The following MYT1L variants were observed in gnomAD, a reference collection of about 807,000 sequenced individuals.
MYT1L encodes myelin transcription factor 1 like.
Under a neutral mutation model 126.7 loss-of-function variants are expected in MYT1L, and 12 were observed. The ratio of observed to expected loss-of-function variants is 0.09; its 90% CI spans 0.06 to 0.15. MYT1L has a LOEUF of 0.15. MYT1L is among the 10% of genes least tolerant of loss of function. The pLI, the probability that MYT1L is intolerant of heterozygous loss-of-function variation, is 1.00. For missense variants in MYT1L, 979 were observed against 1,585.2 expected (o/e 0.62, Z 6.49); for synonymous variants, 541 against 604.2 (o/e 0.90, Z 1.53).
chr2:2,090,776 A>G (rs767920822), intron 3 of MYT1L, among the ~76,000 whole-genome samples: 5 of 152,196 alleles, frequency 3.3e-5, no homozygotes, highest in Admixed American at 1.3e-4. Flanking sequence ...CTGCTGCTTT[A>G]TCAACTGGGC....
chr2:2,114,019 T>G (rs2079868512), intron 3 of MYT1L, among the ~76,000 whole-genome samples: 1 of 152,084 alleles, frequency 6.6e-6, no homozygotes, highest in Non-Finnish European at 1.5e-5. Flanking sequence ...AAAACATTAC[T>G]GCCTCCATTA....
intron 3 of MYT1L, among the ~76,000 whole-genome samples, chr2:2,055,851 T>C (rs1395541762): frequency 6.6e-6 from 1 of 152,238 alleles, no homozygotes; most frequent in East Asian, 1.9e-4. Flanking sequence ...CACTTTAAGC[T>C]TGTTAGCATG....
chr2:2,281,006 T>C (rs2095439528), intron 2 of MYT1L, among the ~76,000 whole-genome samples: 1 of 152,186 alleles, frequency 6.6e-6, no homozygotes, highest in South Asian at 2.1e-4. Context: ...CGTGGTGATA[T>C]GGTTTGGCTG....
Position 2,159,859 on chromosome 2 carries a change from TC to T in MYT1L, c.-304+13012del, listed in dbSNP as rs146718269. ...GGGGGCTCTTCTGTTTGCTACTTTT[TC>T]TTCTTTCTCTCCTTACCCTCATAAA... On this transcript the variant is annotated intron_variant, in intron 3 of 24. Transcript: ENST00000647738. Among the ~76,000 whole-genome samples the T allele has an allele frequency of 7.2e-3, 1,090 of 152,186 alleles. 6 individuals carry two copies. The highest frequency in any genetic ancestry group is 9.0e-3 in the Non-Finnish European group (610 of 68,020).
intron 21 of MYT1L, among the ~76,000 whole-genome samples, chr2:1,830,502 G>A (rs1188141459): frequency 6.6e-6 from 1 of 152,042 alleles, no homozygotes; most frequent in Admixed American, 6.5e-5. Context: ...CACCCCGAAG[G>A]GCTCACAGGG....
chr2:2,179,941 TGGCCCTCAGGAGGA>T (rs2091229491), intron 2 of MYT1L, among the ~76,000 whole-genome samples: 1 of 152,228 alleles, frequency 6.6e-6, no homozygotes, highest in Non-Finnish European at 1.5e-5. Context: ...TAGATCATTC[TGGCCCTCAGGAGGA>T]GGCTGTTCCT....
Position 1,887,163 on chromosome 2 carries a change from T to A in MYT1L, c.2642+325A>T. On this transcript the variant is annotated intron_variant, in intron 17 of 24. Transcript: ENST00000647738. This position sits in a 1 kb window ranked among gnomAD's most constrained non-coding sequence, Gnocchi z 4.8. The stretch of plus-strand genomic sequence containing the variant: ...ACAAAAACAGCCAAAATAGTAAGTA[T>A]GTTTAAAAAAAAAAAAAACTTTTAA... The A allele has an allele frequency of 2.4e-6, 1 of 416,810 alleles. No individual in the cohort carries two copies. Among genetic ancestry groups the A allele is most frequent in the Non-Finnish European group, 4.2e-6 (1 of 239,698 alleles). The allele number at this position is 416,810 out of a possible 1,614,324, so 25.8% of individuals were successfully genotyped here.
intron 8 of MYT1L, among the ~76,000 whole-genome samples, chr2:1,956,440 ACCT>A (rs1558532411): frequency 9.7e-6 from 1 of 103,178 alleles, no homozygotes; most frequent in African/African-American, 4.4e-5. Context: ...CTATCTATCT[ACCT>A]ATCATCTATC....
chr2:2,078,898 T>A (rs1014994878), intron 3 of MYT1L, among the ~76,000 whole-genome samples: 3 of 152,232 alleles, frequency 2.0e-5, no homozygotes, highest in Non-Finnish European at 4.4e-5. Flanking sequence ...TATGTTGAAA[T>A]TCTAACCCCC....
intron 18 of MYT1L, among the ~76,000 whole-genome samples, chr2:1,860,680 C>T (rs186142604): frequency 6.6e-6 from 1 of 152,310 alleles, no homozygotes; most frequent in Non-Finnish European, 1.5e-5. Flanking sequence ...GCATCTCTAC[C>T]TTACTCTCAA....
chr2:1,792,066 CA>C, intron 24 of MYT1L, 59 bp from the exon 25 acceptor site: 1 of 1,360,930 alleles, frequency 7.3e-7, no homozygotes, highest in Non-Finnish European at 9.9e-7. Context: ...AGTATATTTA[CA>C]AAAGCATAAA....
chr2:1,941,354 T>C (rs544696525), intron 9 of MYT1L, among the ~76,000 whole-genome samples: 78 of 152,338 alleles, frequency 5.1e-4, no homozygotes, highest in African/African-American at 1.8e-3. Flanking sequence ...ACCATCTTTC[T>C]AGTAAGCCCT....
rs140600797 is a variant in MYT1L at position 1,861,572 on chromosome 2, G to A, written c.2712-9869C>T. 2.6e-3 allele frequency among the ~76,000 whole-genome samples: 387 copies of A among 151,544 alleles called. 2 individuals are homozygous for A. Among genetic ancestry groups the A allele is most frequent in the African/African-American group, 8.9e-3 (369 of 41,286 alleles). ...ATTTGTATTCTAATCGGGGTTTGGG[G>A]GGGTGTTAAAGACGCTGTGCTCTGC... On this transcript the variant is annotated intron_variant, in intron 18 of 24. Coordinates refer to ENST00000647738, the MANE Select transcript of MYT1L (RefSeq NM_001303052.2).
Position 2,231,682 on chromosome 2 carries a change from G to C in MYT1L, c.-421+52722C>G, listed in dbSNP as rs558917916. Among the ~76,000 whole-genome samples the C allele has an allele frequency of 7.9e-5, 12 of 152,060 alleles. No homozygotes were observed. The East Asian group carries it at 2.1e-3, about 27-fold the overall frequency. On this transcript the variant is annotated intron_variant, in intron 2 of 24. Transcript: ENST00000647738. Reference sequence around the variant, plus strand: ...AGGCTGGTCTTGAACTCCTGAGCTCGAGCAATCCACCCGCCTCAGCCTCCC... The same window carrying C: ...AGGCTGGTCTTGAACTCCTGAGCTCCAGCAATCCACCCGCCTCAGCCTCCC...
intron 4 of MYT1L, among the ~76,000 whole-genome samples, chr2:2,026,268 G>A (rs1000987750): frequency 6.6e-6 from 1 of 152,190 alleles, no homozygotes; most frequent in African/African-American, 2.4e-5. Context: ...AGGGTGTGCG[G>A]GGGACGTGGG....
intron 19 of MYT1L, among the ~76,000 whole-genome samples, chr2:1,850,042 C>T (rs79773145): frequency 2.2e-4 from 30 of 134,550 alleles, no homozygotes; most frequent in Non-Finnish European, 4.0e-4. Flanking sequence ...GAGGGGGGGG[C>T]CATTATCCAC....
chr2:2,175,615 T>C (rs555501760), intron 2 of MYT1L, among the ~76,000 whole-genome samples: 11 of 150,776 alleles, frequency 7.3e-5, no homozygotes, highest in African/African-American at 2.7e-4. Flanking sequence ...AACCATCCTC[T>C]GTGAACTGAG....
At chr2:1,832,164 G>A (rs961528067) in intron 21 of MYT1L, among the ~76,000 whole-genome samples, 6 of 152,090 alleles carry the variant, frequency 3.9e-5, no homozygotes, top group Non-Finnish European at 8.8e-5. Context: ...GTAAGGGTGG[G>A]GTCCTGATCT....
intron 2 of MYT1L, among the ~76,000 whole-genome samples, chr2:2,257,243 T>C (rs2094840009): frequency 6.6e-6 from 1 of 152,144 alleles, no homozygotes; most frequent in Non-Finnish European, 1.5e-5. Flanking sequence ...GAAAATTAAT[T>C]CAGGTGAAAC....
Sources: allele counts gnomAD v4.1 joint callset (sites outside exome capture counted in the v4.1 genomes callset), GRCh38; gene constraint gnomAD v4.1.1; non-coding constraint Gnocchi (gnomAD v3.1); transcripts MANE v1.5; gene names NCBI Gene and HGNC (gene_info 2026-07-23, HGNC 2026-07-21).